GABRB1: variants seen among roughly 807,000 people sequenced by gnomAD.
GABRB1 encodes gamma-aminobutyric acid type A receptor subunit beta1.
In GABRB1, 17 loss-of-function variants were observed where a neutral mutation model predicts 51.6. The ratio of observed to expected loss-of-function variants is 0.33; its 90% CI spans 0.23 to 0.49. The LOEUF (loss-of-function observed/expected upper bound fraction) is 0.49. GABRB1 is among the 20% of genes least tolerant of loss of function. The probability of loss-of-function intolerance (pLI) is 0.99; values close to 1 mark genes in which losing one functional copy is unlikely to be tolerated. For missense variants in GABRB1, 410 were observed against 600.6 expected, an observed-to-expected ratio of 0.68 and a Z score of 3.32; for synonymous variants, 247 against 218.9, an observed-to-expected ratio of 1.13 and a Z score of -1.14.
At chr4:47,315,108 A>G (rs1012911673) in intron 4 of GABRB1, among the ~76,000 whole-genome samples, 2 of 152,096 alleles carry the variant, frequency 1.3e-5, no homozygotes, top group Admixed American at 6.6e-5. Context: ...GACAACCTAT[A>G]GAATGGGAGA....
At chr4:47,044,591 G>C (rs909246635) in intron 3 of GABRB1, among the ~76,000 whole-genome samples, 4 of 151,928 alleles carry the variant, frequency 2.6e-5, no homozygotes, top group African/African-American at 4.8e-5. Flanking sequence ...ATATGCTCTG[G>C]TGTAAGTTAT....
intron 3 of GABRB1, among the ~76,000 whole-genome samples, chr4:47,094,388 C>T (rs1425284424): frequency 1.3e-5 from 2 of 151,770 alleles, no homozygotes; most frequent in Admixed American, 6.6e-5. Context: ...ACCAGCCCAG[C>T]TAATTTTTAT....
chr4:47,036,729 G>A (rs1360987622), intron 3 of GABRB1, among the ~76,000 whole-genome samples: 1 of 152,066 alleles, frequency 6.6e-6, no homozygotes, highest in Non-Finnish European at 1.5e-5. Flanking sequence ...GGGTGTGATG[G>A]TGCGTGCCTA....
Position 47,077,966 on chromosome 4 carries a change from ATATTTT to A in GABRB1, c.240+45483_240+45488del, listed in dbSNP as rs1340697587. Reference sequence around the variant, plus strand: ...TATATATATTATATATTTTATATATATATTTTATATATAATATATAATATATAATAT... The same window carrying A: ...TATATATATTATATATTTTATATATAATATATAATATATAATATATAATAT... On this transcript the variant is annotated intron_variant, in intron 3 of 8. Coordinates refer to ENST00000295454, the MANE Select transcript of GABRB1 (RefSeq NM_000812.4). Among the ~76,000 whole-genome samples, 209 of 100,564 alleles carry A rather than the reference ATATTTT, an allele frequency of 2.1e-3. 3 individuals carry two copies. The highest frequency in any genetic ancestry group is 8.2e-3 in the African/African-American group (195 of 23,920). 66.0% of individuals were successfully genotyped at this position (100,564 alleles called of 152,430 possible).
chr4:47,182,180 A>G (rs1269559193), intron 4 of GABRB1, among the ~76,000 whole-genome samples: 1 of 151,970 alleles, frequency 6.6e-6, no homozygotes, highest in Non-Finnish European at 1.5e-5. Context: ...TGTTCTTGAC[A>G]GCATGAGAGC....
intron 4 of GABRB1, among the ~76,000 whole-genome samples, chr4:47,184,993 C>T (rs1209841989): frequency 6.6e-6 from 1 of 151,818 alleles, no homozygotes; most frequent in Non-Finnish European, 1.5e-5. Context: ...TTTATTACCT[C>T]CTAAGTGCAA....
intron 3 of GABRB1, among the ~76,000 whole-genome samples, chr4:47,101,090 A>G (rs1329118740): frequency 6.6e-6 from 1 of 151,988 alleles, no homozygotes; most frequent in East Asian, 1.9e-4. Flanking sequence ...ACACAATGGA[A>G]GTTTTACGTG....
Position 47,400,921 on chromosome 4 carries a change from C to CTTTTT in GABRB1, c.545-2376_545-2372dup, listed in dbSNP as rs71195629. The stretch of plus-strand genomic sequence containing the variant: ...CATTATTTTGTTCTTTTGTTCTTCT[C>CTTTTT]TTTTTTTTTTTTTTTTTTTTTTTTT... On this transcript the variant is annotated intron_variant, in intron 5 of 8. Coordinates refer to ENST00000295454, the MANE Select transcript of GABRB1 (RefSeq NM_000812.4). Among the ~76,000 whole-genome samples, 674 of 98,468 alleles carry CTTTTT rather than the reference C, an allele frequency of 6.8e-3. 2 individuals carry two copies. The highest frequency in any genetic ancestry group is 0.012 in the African/African-American group (283 of 24,422). The allele number at this position is 98,468 out of a possible 152,430, so 64.6% of individuals were successfully genotyped here. A position where few individuals can be genotyped will look rare whatever the true frequency, so the allele number is the denominator to read the frequency against.
intron 4 of GABRB1, among the ~76,000 whole-genome samples, chr4:47,225,226 C>A (rs914449987): frequency 1.3e-5 from 2 of 152,080 alleles, no homozygotes; most frequent in African/African-American, 4.8e-5. Context: ...TGTCCTGGAG[C>A]AGAGGTGCTC....
intron 3 of GABRB1, among the ~76,000 whole-genome samples, chr4:47,097,473 C>A (rs1714503290): frequency 6.6e-6 from 1 of 150,970 alleles, no homozygotes; most frequent in East Asian, 1.9e-4. Flanking sequence ...CCATTCCCGT[C>A]CTCAGTACTT....
chr4:47,065,304 C>T (rs1050670649), intron 3 of GABRB1, among the ~76,000 whole-genome samples: 3 of 152,178 alleles, frequency 2.0e-5, no homozygotes, highest in African/African-American at 7.2e-5. Context: ...AGATTTCTTC[C>T]CTTGAACCCA....
At chr4:47,033,187 G>A (rs1217830601) in intron 3 of GABRB1, among the ~76,000 whole-genome samples, 1 of 152,220 alleles carries the variant, frequency 6.6e-6, no homozygotes, top group Non-Finnish European at 1.5e-5. Flanking sequence ...ACCTAAGCAT[G>A]CCTAAAAATC....
intron 4 of GABRB1, among the ~76,000 whole-genome samples, chr4:47,210,772 G>A (rs1478903474): frequency 6.6e-6 from 1 of 152,112 alleles, no homozygotes; most frequent in African/African-American, 2.4e-5. Context: ...TAGAGAAAAT[G>A]AACATAGTTT....
chr4:47,229,857 A>G lies in GABRB1; in HGVS notation c.461+68388A>G, dbSNP rs553664890. ...GAGACAAGAAATGGATTTTTTCACT[A>G]GAGCCCTAGCTCTACTGAGGGACTG... On this transcript the variant is annotated intron_variant, in intron 4 of 8. Transcript: ENST00000295454. Among the ~76,000 whole-genome samples the G allele has an allele frequency of 7.2e-5, 11 of 152,232 alleles. No homozygotes were observed. The South Asian group carries it at 1.9e-3, about 26-fold the overall frequency.
intron 4 of GABRB1, among the ~76,000 whole-genome samples, chr4:47,302,592 G>A (rs1724300863): frequency 6.6e-6 from 1 of 151,710 alleles, no homozygotes; most frequent in African/African-American, 2.4e-5. Flanking sequence ...TCAAAATTAG[G>A]CTTTATGTGT....
intron 3 of GABRB1, among the ~76,000 whole-genome samples, chr4:47,083,554 C>T (rs1321981840): frequency 1.3e-5 from 2 of 151,982 alleles, no homozygotes; most frequent in African/African-American, 2.4e-5. Flanking sequence ...CATTTAAGAC[C>T]AGGGGTTAGA....
At chr4:47,283,296 G>C (rs1268348757) in intron 4 of GABRB1, among the ~76,000 whole-genome samples, 1 of 147,194 alleles carries the variant, frequency 6.8e-6, no homozygotes, top group Admixed American at 6.8e-5. Context: ...GTAGATGAGG[G>C]AAAGAGGATT....
chr4:47,125,318 A>G (rs918057726), intron 3 of GABRB1, among the ~76,000 whole-genome samples: 1 of 152,088 alleles, frequency 6.6e-6, no homozygotes, highest in South Asian at 2.1e-4. Flanking sequence ...ATGTTAAAAG[A>G]TGTTCTTCAT....
At chr4:47,358,055 T>C (rs765016675) in intron 5 of GABRB1, among the ~76,000 whole-genome samples, 2 of 152,134 alleles carry the variant, frequency 1.3e-5, no homozygotes, top group Non-Finnish European at 2.9e-5. Context: ...ATTTTGCAGA[T>C]ATGGACACTA....
Sources: allele counts gnomAD v4.1 joint callset (sites outside exome capture counted in the v4.1 genomes callset), GRCh38; gene constraint gnomAD v4.1.1; transcripts MANE v1.5; gene names NCBI Gene and HGNC (gene_info 2026-07-23, HGNC 2026-07-21).